Variants in PIK3C2G observed in about 807,000 individuals in gnomAD.
PIK3C2G encodes the protein phosphatidylinositol 3-kinase C2 domain-containing subunit gamma.
A neutral mutation model predicts 181.1 loss-of-function variants in PIK3C2G; 168 were observed. The ratio of observed to expected loss-of-function variants is 0.93; its 90% CI spans 0.82 to 1.05. The LOEUF is 1.05. PIK3C2G is among the 50% of genes least tolerant of loss of function. The pLI is 0.00. For synonymous variants in PIK3C2G, 573 were observed against 592.2 expected, an observed-to-expected ratio of 0.97 and a Z score of 0.47; for missense variants, 1,869 against 1,732.8, an observed-to-expected ratio of 1.08 and a Z score of -1.40.
chr12:18,288,356 A>G, intron 3 of PIK3C2G, among the ~76,000 whole-genome samples: 1 of 152,214 alleles, frequency 6.6e-6, no homozygotes, highest in East Asian at 1.9e-4. Flanking sequence ...ATTGTCTAAT[A>G]ACTAGCTTAT....
At chr12:18,496,684 C>G (rs1391726050) in intron 21 of PIK3C2G, among the ~76,000 whole-genome samples, 3 of 151,978 alleles carry the variant, frequency 2.0e-5, no homozygotes, top group African/African-American at 7.2e-5. Flanking sequence ...AAAGAGGGAA[C>G]AGAGAGGGAG....
intron 31 of PIK3C2G, among the ~76,000 whole-genome samples, chr12:18,618,099 T>G (rs12811846): frequency 0.2 from 31,005 of 152,118 alleles, 3,243 homozygotes; most frequent in African/African-American, 0.24. Flanking sequence ...AAGGACGTTT[T>G]CTCTACTTTT....
chr12:18,370,956 T>C (rs1234875340), intron 12 of PIK3C2G, among the ~76,000 whole-genome samples: 1 of 152,158 alleles, frequency 6.6e-6, no homozygotes, highest in African/African-American at 2.4e-5. Flanking sequence ...TATACCTACA[T>C]GTCAACATTA....
At chr12:18,725,865 C>T in the PIK3C2G span, among the ~76,000 whole-genome samples, 2 of 152,248 alleles carry the variant, frequency 1.3e-5, no homozygotes, top group South Asian at 2.1e-4. Flanking sequence ...GTGTCACCCA[C>T]TCTAGAAATC....
chr12:18,702,665 T>C, the PIK3C2G span, among the ~76,000 whole-genome samples: 2 of 152,248 alleles, frequency 1.3e-5, no homozygotes, highest in East Asian at 3.9e-4. Flanking sequence ...AAGAATATTA[T>C]CAGAAGTGCT....
At chr12:18,447,200 C>A (rs1156811843) in intron 18 of PIK3C2G, among the ~76,000 whole-genome samples, 6 of 152,108 alleles carry the variant, frequency 3.9e-5, no homozygotes, top group Admixed American at 3.9e-4. Flanking sequence ...TATTATGAAC[C>A]ACGAGTGGCA....
rs1942501112 is a variant in PIK3C2G, at chr12:18,377,084, T to C, written c.1881-4682T>C. Among the ~76,000 whole-genome samples the C allele has an allele frequency of 2.0e-5, 3 of 152,188 alleles. No homozygotes were observed. The South Asian group carries it at 6.2e-4, about 32-fold the overall frequency. ...TGCACATGAAACCTGTTAGACATAA[T>C]AAAGTCAGCAGCCCAAAGAATTTTA... On this transcript the variant is annotated intron_variant, in intron 13 of 32. Coordinates refer to ENST00000538779, the MANE Select transcript of PIK3C2G (RefSeq NM_001288772.2).
chr12:18,347,009 T>C (rs1939732347), intron 11 of PIK3C2G, among the ~76,000 whole-genome samples, 173 bp downstream of exon 11: 1 of 152,242 alleles, frequency 6.6e-6, no homozygotes, highest in South Asian at 2.1e-4. Context: ...AGATTCAAAA[T>C]GGATATTTAA....
intron 24 of PIK3C2G, among the ~76,000 whole-genome samples, chr12:18,511,646 C>T (rs1942213616): frequency 6.6e-6 from 1 of 151,654 alleles, no homozygotes; most frequent in South Asian, 2.1e-4. Flanking sequence ...AGGTTCTTTG[C>T]TTATTTTTTT....
chr12:18,476,985 C>T (rs1939068210), intron 18 of PIK3C2G, among the ~76,000 whole-genome samples: 1 of 152,038 alleles, frequency 6.6e-6, no homozygotes, highest in Non-Finnish European at 1.5e-5. Context: ...GTTCTGGAAG[C>T]TGGAATTTCA....
chr12:18,533,910 A>G (rs1943693621), intron 24 of PIK3C2G, among the ~76,000 whole-genome samples: 1 of 151,596 alleles, frequency 6.6e-6, no homozygotes, highest in African/African-American at 2.4e-5. Context: ...TGAAAGTAAT[A>G]AACAGCAAAC....
intron 4 of PIK3C2G, among the ~76,000 whole-genome samples, chr12:18,291,487 C>A (rs1949689099): frequency 6.6e-6 from 1 of 151,792 alleles, no homozygotes; most frequent in Non-Finnish European, 1.5e-5. Context: ...AATTAGCAAA[C>A]CTACTGATTC....
intron 24 of PIK3C2G, among the ~76,000 whole-genome samples, chr12:18,506,481 C>T (rs1308675079): frequency 2.0e-5 from 3 of 152,008 alleles, no homozygotes; most frequent in South Asian, 2.1e-4. Context: ...TAGTAAAAAC[C>T]GACAGATTCA....
At chr12:18,396,828 G>A (rs12230126) in intron 15 of PIK3C2G, among the ~76,000 whole-genome samples, 35,812 of 151,502 alleles carry the variant, frequency 0.24, 4,509 homozygotes, top group Admixed American at 0.35. Context: ...AAAGATTCCT[G>A]TGGTTAAGAT....
intron 8 of PIK3C2G, among the ~76,000 whole-genome samples, chr12:18,333,483 G>A (rs751267040): frequency 4.6e-5 from 7 of 151,942 alleles, no homozygotes; most frequent in Admixed American, 2.6e-4. Flanking sequence ...TCCACTCCCT[G>A]TGCCCCTGTG....
At chr12:18,698,329 ACTACT>A in the PIK3C2G span, among the ~76,000 whole-genome samples, 1 of 150,322 alleles carries the variant, frequency 6.7e-6, no homozygotes, top group Non-Finnish European at 1.5e-5. Flanking sequence ...TCTACTCTAT[ACTACT>A]CTATTCTATT....
At chr12:18,603,571 C>T (rs1049064715) in intron 30 of PIK3C2G, among the ~76,000 whole-genome samples, 5 of 152,092 alleles carry the variant, frequency 3.3e-5, no homozygotes, top group African/African-American at 1.2e-4. Context: ...ACATTGTCAT[C>T]AGGTTATCCA....
At chr12:18,682,321 TA>T in the PIK3C2G span, among the ~76,000 whole-genome samples, 1 of 152,080 alleles carries the variant, frequency 6.6e-6, no homozygotes, top group African/African-American at 2.4e-5. Flanking sequence ...AACATTTTAT[TA>T]TTTTAGTTAT....
chr12:18,545,030 A>G (rs1944350656), intron 25 of PIK3C2G, among the ~76,000 whole-genome samples: 2 of 151,890 alleles, frequency 1.3e-5, no homozygotes, highest in Admixed American at 1.3e-4. Flanking sequence ...AGACACAATT[A>G]AATCTCTTAC....
Sources: gnomAD v4.1 joint callset for allele counts (sites outside exome capture counted in the v4.1 genomes callset) on GRCh38, gnomAD v4.1.1 for gene constraint, MANE v1.5 for transcripts, NCBI Gene and HGNC (gene_info 2026-07-23, HGNC 2026-07-21) for gene names.